The following DMD variants were observed in gnomAD, a reference collection of about 807,000 sequenced individuals.
The protein encoded by DMD is dystrophin, also known as mutant dystrophin.
A neutral mutation model predicts 330.1 loss-of-function variants in DMD; 63 were observed. That is an observed-to-expected ratio of 0.19 (90% CI 0.16 to 0.24). The LOEUF is 0.24. Among genes scored for constraint, DMD ranks in the 10% least tolerant of loss-of-function variants. The probability of loss-of-function intolerance (pLI) is 1.00; values close to 1 mark genes in which losing one functional copy is unlikely to be tolerated. For synonymous variants in DMD, 1,223 were observed against 959.8 expected (o/e 1.27, Z -5.07); for missense variants, 3,344 against 2,684.1 (o/e 1.25, Z -5.43).
chrX:32,403,323 T>C (rs1275183569), intron 30 of DMD, among the ~76,000 whole-genome samples: 1 of 111,718 alleles, frequency 9.0e-6, no homozygotes, highest in South Asian at 3.7e-4. Context: ...TAGTGTTCAC[T>C]GTGGCTGTAG....
intron 51 of DMD, among the ~76,000 whole-genome samples, chrX:31,739,548 G>T (rs147706903): frequency 0.011 from 1,217 of 110,075 alleles, 13 homozygotes; most frequent in Middle Eastern, 0.023. Context: ...TCGTAAGTGG[G>T]AATTGAACAA....
rs190184296 is a variant in DMD, at chrX:31,488,423, G to A, written c.8547+8365C>T. ...CAAAATTTGAGATTGTCAAGTATAA[G>A]TGGTAAATAATATCTGAATCATACC... On this transcript the variant is annotated intron_variant, in intron 57 of 78. Transcript: ENST00000357033. 2.1e-3 allele frequency among the ~76,000 whole-genome samples: 239 copies of A among 111,804 alleles called. 5 individuals carry two copies. Among genetic ancestry groups the A allele is most frequent in the Admixed American group, 0.019 (201 of 10,599 alleles).
At chrX:31,266,925 G>A in intron 62 of DMD, 3 of 1,157,911 alleles carry the variant, frequency 2.6e-6, no homozygotes, top group East Asian at 3.3e-5. Flanking sequence ...CGCCGCCGCC[G>A]CCGCCCAAGC....
chrX:33,245,674 G>A (rs2052653279), intron 1 of DMD, among the ~76,000 whole-genome samples: 1 of 112,120 alleles, frequency 8.9e-6, no homozygotes, highest in Non-Finnish European at 1.9e-5. Flanking sequence ...AATGAATGCA[G>A]TGGCTACTTC....
At chrX:31,336,428 C>T (rs776686390) in intron 61 of DMD, among the ~76,000 whole-genome samples, 5 of 112,133 alleles carry the variant, frequency 4.5e-5, no homozygotes, top group East Asian at 2.8e-4. Flanking sequence ...ATTTCTGTTG[C>T]GCAAAGCTTT....
chrX:32,801,475 T>C (rs1274906928), intron 7 of DMD, among the ~76,000 whole-genome samples: 1 of 112,083 alleles, frequency 8.9e-6, no homozygotes, highest in East Asian at 2.8e-4. Context: ...CTGTTCACTC[T>C]GATGATAGTT....
At chrX:32,205,005 T>TCACA (rs1557210475) in intron 44 of DMD, among the ~76,000 whole-genome samples, 9 of 29,231 alleles carry the variant, frequency 3.1e-4, no homozygotes, top group Admixed American at 4.4e-4. Flanking sequence ...TCTCTCTCTC[T>TCACA]CACATACACA....
chrX:32,716,870 T>C (rs1172097825), intron 7 of DMD, among the ~76,000 whole-genome samples: 2 of 111,830 alleles, frequency 1.8e-5, no homozygotes, highest in African/African-American at 6.5e-5. Context: ...TCTAGGTATG[T>C]GTGGAACTTT....
At chrX:32,713,344 C>G (rs190028209) in intron 7 of DMD, among the ~76,000 whole-genome samples, 11 of 111,382 alleles carry the variant, frequency 9.9e-5, no homozygotes, top group Middle Eastern at 4.6e-3. Context: ...CATTAGCTGG[C>G]TAGATTCCAG....
intron 18 of DMD, among the ~76,000 whole-genome samples, chrX:32,503,907 G>A (rs758178238): frequency 8.9e-6 from 1 of 111,822 alleles, no homozygotes; most frequent in African/African-American, 3.3e-5. Flanking sequence ...CTAAGTGGGA[G>A]ACCTGACGAT....
At chrX:32,636,158 G>A (rs1435070667) in intron 11 of DMD, among the ~76,000 whole-genome samples, 7 of 111,955 alleles carry the variant, frequency 6.3e-5, no homozygotes, top group Admixed American at 4.7e-4. Context: ...AAACTAATGT[G>A]TTCATTCTCC....
chrX:31,714,989 C>T (rs1311685138), intron 52 of DMD, among the ~76,000 whole-genome samples: 1 of 111,048 alleles, frequency 9.0e-6, no homozygotes, highest in Non-Finnish European at 1.9e-5. Flanking sequence ...ATTTATTCTA[C>T]TTCTCCTAGG....
At chrX:31,310,527 A>ATTT (rs1229167846) in intron 62 of DMD, among the ~76,000 whole-genome samples, 3 of 103,547 alleles carry the variant, frequency 2.9e-5, no homozygotes, top group Non-Finnish European at 6.0e-5. Context: ...TCGGATAGAG[A>ATTT]TTTTTCTTTT....
chrX:32,135,982 G>C (rs2096722758), intron 44 of DMD, among the ~76,000 whole-genome samples: 1 of 111,308 alleles, frequency 9.0e-6, no homozygotes, highest in African/African-American at 3.3e-5. Context: ...AAACCATTTA[G>C]AATTCGTTGT....
At chrX:33,020,813 G>T (rs944774835) in intron 1 of DMD, among the ~76,000 whole-genome samples, 3 of 111,506 alleles carry the variant, frequency 2.7e-5, no homozygotes, top group African/African-American at 6.5e-5. Flanking sequence ...ATAATTAAAA[G>T]AAACTCTCAG....
At chrX:31,183,363 T>C (rs745832010) in intron 67 of DMD, among the ~76,000 whole-genome samples, 1 of 110,219 alleles carries the variant, frequency 9.1e-6, no homozygotes, top group Non-Finnish European at 1.9e-5. Context: ...TTAAAATTCA[T>C]CTGGTTCCAA....
intron 1 of DMD, among the ~76,000 whole-genome samples, chrX:33,038,342 C>A (rs2094239804): frequency 8.9e-6 from 1 of 112,114 alleles, no homozygotes; most frequent in Non-Finnish European, 1.9e-5. Flanking sequence ...TAAGTCAGTG[C>A]ATAGAATATT....
At chrX:32,849,585 G>A in intron 3 of DMD, 143 bp downstream of exon 3, 2 of 443,290 alleles carry the variant, frequency 4.5e-6, no homozygotes, top group South Asian at 4.0e-5. Context: ...AAAATCATAC[G>A]AGGTTGCTTT....
intron 62 of DMD, among the ~76,000 whole-genome samples, chrX:31,262,400 G>A (rs182899169): frequency 3.3e-4 from 37 of 111,892 alleles, no homozygotes; most frequent in South Asian, 1.9e-3. Context: ...TAAAACAACC[G>A]TTTAAGTTGG....
Sources: allele counts gnomAD v4.1 joint callset (sites outside exome capture counted in the v4.1 genomes callset), GRCh38; gene constraint gnomAD v4.1.1; transcripts MANE v1.5; gene names NCBI Gene and HGNC (gene_info 2026-07-23, HGNC 2026-07-21).